PHF14: variants seen among roughly 807,000 people sequenced by gnomAD.
PHF14 encodes PHD finger protein 14.
A neutral mutation model predicts 117.9 loss-of-function variants in PHF14; 55 were observed. The ratio of observed to expected loss-of-function variants is 0.47; its 90% CI spans 0.38 to 0.58. The LOEUF is 0.58. Among genes scored for constraint, PHF14 ranks in the 20% least tolerant of loss-of-function variants. The probability of loss-of-function intolerance (pLI) is 0.00; values close to 1 mark genes in which losing one functional copy is unlikely to be tolerated. For synonymous variants in PHF14, 409 were observed against 368.6 expected (o/e 1.11, Z -1.26); for missense variants, 978 against 1,122.2 (o/e 0.87, Z 1.84).
At chr7:10,990,024 C>T (rs899591839) in intron 3 of PHF14, among the ~76,000 whole-genome samples, 5 of 152,138 alleles carry the variant, frequency 3.3e-5, no homozygotes, top group African/African-American at 1.2e-4. Flanking sequence ...GTTCTCTGAC[C>T]CTTCTAGCAG....
chr7:11,007,238 C>T (rs1783150035), intron 4 of PHF14, among the ~76,000 whole-genome samples: 1 of 151,890 alleles, frequency 6.6e-6, no homozygotes, highest in Non-Finnish European at 1.5e-5. Context: ...ATTAGGTTCT[C>T]TTTTTTTCTC....
At chr7:11,037,835 A>C (rs1463508194) in intron 10 of PHF14, among the ~76,000 whole-genome samples, 7 of 152,220 alleles carry the variant, frequency 4.6e-5, no homozygotes, top group Non-Finnish European at 1.0e-4. Context: ...AATTAGATTC[A>C]GAGGACCTGG....
intron 13 of PHF14, 29 bp from the exon 14 acceptor site, chr7:11,051,583 C>T (rs751590109): frequency 6.4e-7 from 1 of 1,574,458 alleles, no homozygotes; most frequent in Non-Finnish European, 8.6e-7. Flanking sequence ...ATAATAAATG[C>T]ATGACTTAAA....
chr7:11,166,596 A>G (rs143288831), intron 17 of PHF14, among the ~76,000 whole-genome samples: 1 of 152,180 alleles, frequency 6.6e-6, no homozygotes, highest in Non-Finnish European at 1.5e-5. Flanking sequence ...TATTAGATCA[A>G]ATTTTAATGT....
chr7:11,167,006 A>C (rs895959357), intron 17 of PHF14, among the ~76,000 whole-genome samples: 3 of 152,194 alleles, frequency 2.0e-5, no homozygotes, highest in Admixed American at 2.0e-4. Flanking sequence ...TATATTTAAA[A>C]CATATTCAAA....
At chr7:11,025,712 G>A (rs1466771868) in intron 6 of PHF14, among the ~76,000 whole-genome samples, 6 of 151,796 alleles carry the variant, frequency 4.0e-5, no homozygotes, top group African/African-American at 7.3e-5. Flanking sequence ...GGAGAATGGC[G>A]TGAACCCGGG....
intron 17 of PHF14, among the ~76,000 whole-genome samples, chr7:11,115,460 C>T (rs1485991437): frequency 2.0e-5 from 3 of 152,010 alleles, no homozygotes; most frequent in African/African-American, 4.8e-5. Context: ...TAAAACGTCA[C>T]ACATACATAT....
chr7:11,150,153 A>G (rs1010606295), intron 17 of PHF14, among the ~76,000 whole-genome samples: 3 of 152,262 alleles, frequency 2.0e-5, no homozygotes, highest in South Asian at 2.1e-4. Context: ...TTAATATTCA[A>G]TTCACTGTAT....
chr7:11,056,355 T>G (rs1052513523), intron 14 of PHF14, among the ~76,000 whole-genome samples: 2 of 152,234 alleles, frequency 1.3e-5, no homozygotes, highest in East Asian at 3.9e-4. Context: ...CAGCACTTAC[T>G]TGTCATGTAG....
At chr7:11,029,851 G>A (rs1784061804) in intron 7 of PHF14, among the ~76,000 whole-genome samples, 1 of 151,724 alleles carries the variant, frequency 6.6e-6, no homozygotes, top group Non-Finnish European at 1.5e-5. Flanking sequence ...GCCTCTCCTT[G>A]TTATGTTTTT....
intron 6 of PHF14, among the ~76,000 whole-genome samples, chr7:11,023,768 C>T (rs1783816981): frequency 6.6e-6 from 1 of 152,080 alleles, no homozygotes; most frequent in Non-Finnish European, 1.5e-5. Flanking sequence ...GTGGAGGTTG[C>T]AGTGAGCTGA....
At chr7:11,082,574 C>T (rs1263503170) in intron 16 of PHF14, among the ~76,000 whole-genome samples, 1 of 152,142 alleles carries the variant, frequency 6.6e-6, no homozygotes, top group African/African-American at 2.4e-5. Context: ...GCATTCAGTG[C>T]CTTTCTGATT....
chr7:11,031,817 A>G (rs796658208), intron 7 of PHF14, among the ~76,000 whole-genome samples: 6 of 152,314 alleles, frequency 3.9e-5, no homozygotes, highest in African/African-American at 1.4e-4. Context: ...TATGCTGACT[A>G]CAACTTATGT....
intron 16 of PHF14, chr7:11,071,233 C>T: frequency 1.9e-6 from 1 of 518,126 alleles, no homozygotes; most frequent in Non-Finnish European, 3.9e-6. Flanking sequence ...AGTACACTAG[C>T]TCTGATATTC....
At chr7:11,003,092 C>T (rs1460645265) in intron 4 of PHF14, among the ~76,000 whole-genome samples, 1 of 152,184 alleles carries the variant, frequency 6.6e-6, no homozygotes, top group Admixed American at 6.5e-5. Flanking sequence ...AGGCGTGTGC[C>T]ACCACACCCA....
At chr7:11,090,003 T>G (rs924978989) in intron 16 of PHF14, among the ~76,000 whole-genome samples, 3 of 152,212 alleles carry the variant, frequency 2.0e-5, no homozygotes, top group Admixed American at 6.5e-5. Context: ...ACTCCTGACC[T>G]CAGGTGATTC....
chr7:11,128,867 A>G (rs1041512296), intron 17 of PHF14, among the ~76,000 whole-genome samples: 6 of 151,956 alleles, frequency 3.9e-5, no homozygotes, highest in Non-Finnish European at 8.8e-5. Flanking sequence ...AGTTTAAATT[A>G]TAGTTTTCTA....
chr7:11,102,360 C>T (rs534047481), intron 16 of PHF14: 2 of 940,644 alleles, frequency 2.1e-6, no homozygotes, highest in African/African-American at 1.6e-5. Flanking sequence ...GAGTATCTAT[C>T]TCTTTGGACC....
intron 3 of PHF14, among the ~76,000 whole-genome samples, chr7:10,988,016 C>CAAAAA (rs60714759): frequency 8.6e-6 from 1 of 115,644 alleles, no homozygotes; most frequent in African/African-American, 3.2e-5. Flanking sequence ...AACTCCTTCT[C>CAAAAA]AAAAAAAAAA....
Sources: gnomAD v4.1 joint callset for allele counts (sites outside exome capture counted in the v4.1 genomes callset) on GRCh38, gnomAD v4.1.1 for gene constraint, MANE v1.5 for transcripts, NCBI Gene and HGNC (gene_info 2026-07-23, HGNC 2026-07-21) for gene names.